Variants in TASP1 observed in about 807,000 individuals in gnomAD.
TASP1 encodes threonine aspartase 1.
Under a neutral mutation model 56.6 loss-of-function variants are expected in TASP1, and 16 were observed. That is an observed-to-expected ratio of 0.28 (90% CI 0.19 to 0.43). The LOEUF (loss-of-function observed/expected upper bound fraction) is 0.43, where lower values mean the gene tolerates loss of function less well. Ranked by LOEUF, TASP1 falls within the 20% of genes least tolerant of loss-of-function variation. TASP1 has a pLI of 1.00. For synonymous variants in TASP1, 179 were observed against 184.2 expected, an observed-to-expected ratio of 0.97 and a Z score of 0.23; for missense variants, 393 against 511.6, an observed-to-expected ratio of 0.77 and a Z score of 2.24.
chr20:13,517,151 A>G (rs1287078509), intron 10 of TASP1, among the ~76,000 whole-genome samples: 1 of 152,120 alleles, frequency 6.6e-6, no homozygotes, highest in Non-Finnish European at 1.5e-5. Context: ...CTTTTGCTAT[A>G]GCTAATATGT....
In TASP1 at chr20:13,435,340, T is replaced by C. The variant is rs562457501; in HGVS notation, c.986-186A>G. ...CAGGTTTATGCCTGAATAGGGGCCA[T>C]TTGGCAAAGAAAATGCCACATGCTG... On this transcript the variant is annotated intron_variant, in intron 11 of 13. Coordinates refer to ENST00000337743, the MANE Select transcript of TASP1 (RefSeq NM_017714.3). Among the ~76,000 whole-genome samples, 3 of 152,274 alleles carry C rather than the reference T, an allele frequency of 2.0e-5. No individual in the cohort carries two copies. The South Asian group carries it at 6.2e-4, about 32-fold the overall frequency.
chr20:13,395,551 A>G (rs2041496926), intron 13 of TASP1, among the ~76,000 whole-genome samples: 1 of 152,178 alleles, frequency 6.6e-6, no homozygotes, highest in African/African-American at 2.4e-5. Context: ...CAACAAGTTA[A>G]GCTTCTCTTC....
intron 1 of TASP1, among the ~76,000 whole-genome samples, chr20:13,632,816 TAAAG>T (rs2049148081): frequency 6.6e-6 from 1 of 152,040 alleles, no homozygotes; most frequent in South Asian, 2.1e-4. Flanking sequence ...ATCTAATAAA[TAAAG>T]AGTGCCAACA....
chr20:13,473,803 T>G (rs542502941), intron 11 of TASP1, among the ~76,000 whole-genome samples: 1 of 152,312 alleles, frequency 6.6e-6, no homozygotes, highest in Admixed American at 6.5e-5. Context: ...CCAGGCATGG[T>G]GGCTCACAAC....
At chr20:13,178,981 C>T in the TASP1 span, among the ~76,000 whole-genome samples, 1 of 152,016 alleles carries the variant, frequency 6.6e-6, no homozygotes, top group African/African-American at 2.4e-5. Flanking sequence ...ATGCTAGTTA[C>T]CCTAATTTGA....
the TASP1 span, among the ~76,000 whole-genome samples, chr20:13,331,619 T>C: frequency 3.9e-5 from 6 of 152,100 alleles, no homozygotes; most frequent in South Asian, 1.2e-3. Flanking sequence ...TACTTCATTT[T>C]TGCTGAAGCT....
intron 4 of TASP1, among the ~76,000 whole-genome samples, chr20:13,621,385 C>T (rs1274043091): frequency 1.3e-5 from 2 of 152,006 alleles, no homozygotes; most frequent in African/African-American, 2.4e-5. Context: ...GAGCCAAGAT[C>T]GCACCACTGC....
chr20:13,196,430 C>G, the TASP1 span, among the ~76,000 whole-genome samples: 3 of 152,104 alleles, frequency 2.0e-5, no homozygotes, highest in African/African-American at 7.2e-5. Flanking sequence ...GCCTCAGGGC[C>G]TTTGTACCAG....
chr20:13,118,830 C>A, the TASP1 span, among the ~76,000 whole-genome samples: 1 of 152,226 alleles, frequency 6.6e-6, no homozygotes, highest in Non-Finnish European at 1.5e-5. Flanking sequence ...TCATTGAAAG[C>A]TCATGATTTA....
chr20:13,361,300 C>G, the TASP1 span, among the ~76,000 whole-genome samples: 1 of 152,188 alleles, frequency 6.6e-6, no homozygotes, highest in South Asian at 2.1e-4. Context: ...TTCTTCCGTT[C>G]TGTTAGACAT....
At chr20:13,188,876 G>A in the TASP1 span, among the ~76,000 whole-genome samples, 2 of 152,136 alleles carry the variant, frequency 1.3e-5, no homozygotes, top group Admixed American at 1.3e-4. Context: ...TAACTTAATA[G>A]TATGCACCTG....
chr20:13,161,753 G>C, the TASP1 span, among the ~76,000 whole-genome samples: 1 of 152,082 alleles, frequency 6.6e-6, no homozygotes, highest in Non-Finnish European at 1.5e-5. Flanking sequence ...GGAATGAAGG[G>C]AACAGAAATA....
chr20:13,266,529 A>C, the TASP1 span, among the ~76,000 whole-genome samples: 1 of 152,202 alleles, frequency 6.6e-6, no homozygotes, highest in Admixed American at 6.5e-5. Context: ...AGCATTGTCA[A>C]TGTTAACTCA....
At chr20:13,288,756 C>A in the TASP1 span, 2 of 1,424,642 alleles carry the variant, frequency 1.4e-6, no homozygotes, top group Non-Finnish European at 1.9e-6. Context: ...AACTTAGTGA[C>A]ATTGTCTTTT....
the TASP1 span, among the ~76,000 whole-genome samples, chr20:13,277,173 T>C: frequency 1.3e-5 from 2 of 152,280 alleles, no homozygotes; most frequent in South Asian, 2.1e-4. Context: ...CGGTAATAGC[T>C]TGAAACATGA....
intron 6 of TASP1, 107 bp from the exon 7 acceptor site, chr20:13,569,693 G>T (rs2046650832): frequency 1.1e-6 from 1 of 883,572 alleles, no homozygotes; most frequent in Non-Finnish European, 1.7e-6. Context: ...CTTGCATATG[G>T]ACATAATTCC....
At position 13,535,415 on chromosome 20, in the gene TASP1, T is replaced by C. The variant is rs958673953; in HGVS notation, c.676-1274A>G. ...ACTTACATCTAGAATTTATATTTCT[T>C]GCTCTAAATTCTAACTTCCCTTAAA... On this transcript the variant is annotated intron_variant, in intron 8 of 13. Coordinates refer to ENST00000337743, the MANE Select transcript of TASP1 (RefSeq NM_017714.3). 2.0e-5 allele frequency among the ~76,000 whole-genome samples: 3 copies of C among 152,206 alleles called. No individual in the cohort carries two copies. In the South Asian group the frequency reaches 6.2e-4, roughly 31 times the overall value.
chr20:13,391,192 T>C (rs2041260672), intron 13 of TASP1, among the ~76,000 whole-genome samples: 1 of 152,142 alleles, frequency 6.6e-6, no homozygotes. Context: ...TCTCCTATAG[T>C]CTTTGTAAAG....
intron 7 of TASP1, among the ~76,000 whole-genome samples, chr20:13,565,211 C>A (rs962478373): frequency 7.9e-5 from 12 of 152,150 alleles, no homozygotes; most frequent in African/African-American, 2.4e-4. Flanking sequence ...TGTAGTTAGA[C>A]CCCCACTTTA....
Sources: gnomAD v4.1 joint callset for allele counts (sites outside exome capture counted in the v4.1 genomes callset) on GRCh38, gnomAD v4.1.1 for gene constraint, MANE v1.5 for transcripts, NCBI Gene and HGNC (gene_info 2026-07-23, HGNC 2026-07-21) for gene names.